The following CDKN2B-AS1 variants were observed in gnomAD, a reference collection of about 807,000 sequenced individuals.
The protein encoded by CDKN2B-AS1 is CDKN2B and CDKN2A antisense cis and trans regulatory RNA 1, also known as CDKN2B antisense RNA 1 (non-protein coding).
In CDKN2B-AS1 at chr9:22,010,568, T is replaced by TA. The variant is rs536653359; in HGVS notation, n.29+15414dup. ...CTCATCCCCCAAATCCCTGTAGAAT[T>TA]AAAAAAAGCTCTTTCTTTTAAAGGC... On this transcript the variant is annotated intron_variant and non_coding_transcript_variant, in intron 1 of 4. Coordinates refer to ENST00000650946, the Ensembl canonical transcript of CDKN2B-AS1. Among the ~76,000 whole-genome samples the TA allele has an allele frequency of 3.9e-5, 6 of 152,162 alleles. No individual in the cohort carries two copies. The South Asian group carries it at 8.3e-4, about 21-fold the overall frequency.
intron 1 of CDKN2B-AS1, among the ~76,000 whole-genome samples, chr9:22,025,596 T>C (rs1163091190): frequency 6.6e-6 from 1 of 152,146 alleles, no homozygotes; most frequent in African/African-American, 2.4e-5. Flanking sequence ...TGTAGTATGC[T>C]GGGGGCCAGC....
chr9:22,056,818 T>A (rs895773110), intron 4 of CDKN2B-AS1, among the ~76,000 whole-genome samples: 3 of 152,220 alleles, frequency 2.0e-5, no homozygotes, highest in African/African-American at 7.2e-5. Flanking sequence ...GGATTGTATA[T>A]AAAACTGTCT....
chr9:22,102,236 C>A (rs147996310), intron 4 of CDKN2B-AS1, among the ~76,000 whole-genome samples: 37 of 152,064 alleles, frequency 2.4e-4, no homozygotes, highest in African/African-American at 8.9e-4. Flanking sequence ...TGTTTTTTTC[C>A]CCGGCTTTGA....
intron 4 of CDKN2B-AS1, among the ~76,000 whole-genome samples, chr9:22,108,737 C>G (rs72654208): frequency 6.6e-6 from 1 of 152,156 alleles, no homozygotes; most frequent in Non-Finnish European, 1.5e-5. Flanking sequence ...TCCAATGAAA[C>G]TCACTAAATT....
At chr9:22,007,244 C>T (rs1821233328) in intron 1 of CDKN2B-AS1, among the ~76,000 whole-genome samples, 2 of 152,222 alleles carry the variant, frequency 1.3e-5, no homozygotes, top group South Asian at 4.1e-4. Context: ...TGCCTGTAGT[C>T]CCAGCAACTC....
At chr9:22,020,367 A>G (rs1405479035) in intron 1 of CDKN2B-AS1, among the ~76,000 whole-genome samples, 1 of 152,186 alleles carries the variant, frequency 6.6e-6, no homozygotes, top group Non-Finnish European at 1.5e-5. Flanking sequence ...TAATAGAATG[A>G]TTTATATTCC....
intron 4 of CDKN2B-AS1, among the ~76,000 whole-genome samples, chr9:22,089,591 T>C (rs1277179095): frequency 6.6e-6 from 1 of 152,052 alleles, no homozygotes; most frequent in Non-Finnish European, 1.5e-5. Context: ...CCACCATGCC[T>C]GGCTAATATC....
At chr9:22,124,200 C>G (rs896805200) in intron 4 of CDKN2B-AS1, among the ~76,000 whole-genome samples, 1 of 152,126 alleles carries the variant, frequency 6.6e-6, no homozygotes, top group African/African-American at 2.4e-5. Context: ...AACTAAAAGC[C>G]AAGATTTTAA....
At chr9:22,073,565 G>A (rs1295438243) in intron 4 of CDKN2B-AS1, among the ~76,000 whole-genome samples, 1 of 152,164 alleles carries the variant, frequency 6.6e-6, no homozygotes, top group Non-Finnish European at 1.5e-5. Flanking sequence ...GTGATTGACA[G>A]TTCGTGGAAA....
At chr9:22,103,879 T>G (rs1210733146) in intron 4 of CDKN2B-AS1, among the ~76,000 whole-genome samples, 2 of 152,334 alleles carry the variant, frequency 1.3e-5, no homozygotes, top group Non-Finnish European at 2.9e-5. Context: ...TGTACTGGAA[T>G]AGCACTGCGT....
intron 1 of CDKN2B-AS1, among the ~76,000 whole-genome samples, chr9:22,021,373 G>C (rs1401188336): frequency 1.3e-5 from 2 of 152,044 alleles, no homozygotes; most frequent in Non-Finnish European, 2.9e-5. Flanking sequence ...CTCCAGCTTT[G>C]TTCTTTCTGC....
intron 4 of CDKN2B-AS1, among the ~76,000 whole-genome samples, chr9:22,083,016 A>T (rs771690742): frequency 6.6e-6 from 1 of 152,156 alleles, no homozygotes; most frequent in Non-Finnish European, 1.5e-5. Context: ...CAGGAAGAGG[A>T]CATGTAACAT....
intron 4 of CDKN2B-AS1, among the ~76,000 whole-genome samples, chr9:22,059,652 G>T (rs1297180166): frequency 6.6e-6 from 1 of 152,228 alleles, no homozygotes; most frequent in Non-Finnish European, 1.5e-5. Flanking sequence ...ACTAGGCAGT[G>T]CCTAGGGACT....
At chr9:22,121,201 A>G (rs1002849066) in intron 4 of CDKN2B-AS1, 1 of 152,116 alleles carries the variant, frequency 6.6e-6, no homozygotes, top group Non-Finnish European at 1.5e-5. Context: ...TTTTAAAAAA[A>G]AGAGGAAATA....
chr9:22,100,102 T>A (rs1006470978), intron 4 of CDKN2B-AS1, among the ~76,000 whole-genome samples: 1 of 152,176 alleles, frequency 6.6e-6, no homozygotes, highest in African/African-American at 2.4e-5. Flanking sequence ...CGATAGTATT[T>A]TATTGACTAT....
intron 4 of CDKN2B-AS1, among the ~76,000 whole-genome samples, chr9:22,089,989 C>T (rs1563974586): frequency 2.4e-5 from 3 of 127,060 alleles, no homozygotes; most frequent in Non-Finnish European, 3.2e-5. Flanking sequence ...CCCCCCACCC[C>T]ACAACAGGCC....
At chr9:22,030,561 C>T (rs1822426258) in intron 1 of CDKN2B-AS1, 1 of 152,014 alleles carries the variant, frequency 6.6e-6, no homozygotes, top group African/African-American at 2.4e-5. Context: ...GAGGTATGGA[C>T]ATAGTGAATG....
At chr9:22,114,408 T>C (rs1040419441) in intron 4 of CDKN2B-AS1, among the ~76,000 whole-genome samples, 7 of 152,188 alleles carry the variant, frequency 4.6e-5, no homozygotes, top group African/African-American at 1.7e-4. Context: ...TGCAAGAGAT[T>C]CGCCGAGGTA....
intron 1 of CDKN2B-AS1, chr9:22,002,755 C>T (rs1204138979): frequency 6.3e-6 from 1 of 159,412 alleles, no homozygotes; most frequent in Non-Finnish European, 1.4e-5. Context: ...CCTCTTGAAA[C>T]TGTTTCATTC....
Sources: gnomAD v4.1 joint callset for allele counts (sites outside exome capture counted in the v4.1 genomes callset) on GRCh38, gnomAD v4.1.1 for gene constraint, MANE v1.5 for transcripts, NCBI Gene and HGNC (gene_info 2026-07-23, HGNC 2026-07-21) for gene names.